MARCHF5: variants seen among roughly 807,000 people sequenced by gnomAD.
MARCHF5 encodes E3 ubiquitin-protein ligase MARCHF5.
A neutral mutation model predicts 36.5 loss-of-function variants in MARCHF5; 5 were observed. That is an observed-to-expected ratio of 0.14 (90% CI 0.07 to 0.29). The LOEUF (loss-of-function observed/expected upper bound fraction) is 0.29, where lower values mean the gene tolerates loss of function less well. Among genes scored for constraint, MARCHF5 ranks in the 10% least tolerant of loss-of-function variants. The probability of loss-of-function intolerance (pLI) is 1.00; values close to 1 mark genes in which losing one functional copy is unlikely to be tolerated. For missense variants in MARCHF5, 179 were observed against 336.3 expected, an observed-to-expected ratio of 0.53 and a Z score of 3.66; for synonymous variants, 103 against 109.9, an observed-to-expected ratio of 0.94 and a Z score of 0.39.
At chr10:92,330,886 C>A (rs1239702641) in intron 2 of MARCHF5, among the ~76,000 whole-genome samples, 1 of 152,156 alleles carries the variant, frequency 6.6e-6, no homozygotes, top group East Asian at 1.9e-4. Flanking sequence ...CAACCTAATC[C>A]TTACCCACCT....
chr10:92,306,971 A>AGTGAGGTT (rs1590648508), intron 1 of MARCHF5, among the ~76,000 whole-genome samples: 1 of 152,094 alleles, frequency 6.6e-6, no homozygotes, highest in East Asian at 1.9e-4. Context: ...TCAAGATTGC[A>AGTGAGGTT]CCACTGCACT....
Position 92,291,376 on chromosome 10 carries a change from A to G in MARCHF5, c.-119A>G. 2 of 902,938 alleles carry G rather than the reference A, an allele frequency of 2.2e-6. No homozygotes were observed. Among genetic ancestry groups the G allele is most frequent in the Non-Finnish European group, 3.5e-6 (2 of 569,328 alleles). The allele number at this position is 902,938 out of a possible 1,614,324, so 55.9% of individuals were successfully genotyped here. A position where few individuals can be genotyped will look rare whatever the true frequency, so the allele number is the denominator to read the frequency against. ...CGGAGCTGCCCCGGGAAGCTGGGTG[A>G]CGGGTTCGCGGCTGCCGCCGGACTG... On this transcript the variant is annotated 5_prime_UTR_variant, in exon 1 of 6. Transcript: ENST00000358935.
chr10:92,315,221 C>T (rs1354402370), intron 2 of MARCHF5, among the ~76,000 whole-genome samples: 1 of 152,182 alleles, frequency 6.6e-6, no homozygotes, highest in Non-Finnish European at 1.5e-5. Flanking sequence ...GTACTCTGTA[C>T]GCTAGTGGCT....
At position 92,351,201 on chromosome 10, in the gene MARCHF5, A is replaced by G; in HGVS notation, c.831A>G (p.Glu277=). The change falls in exon 6 of 6, where the codon GAA becomes GAG. Residue 277 remains glutamate (E), a synonymous_variant. Transcript: ENST00000358935. ...RKILNYPEQE[E]A ...TTCTGAATTATCCAGAACAAGAAGA[A>G]GCATAAAACTGACTTCTGGTTGTTC... is the stretch of plus-strand genomic sequence containing the variant. 1 of 1,593,264 alleles carries G rather than the reference A, an allele frequency of 6.3e-7. No individual in the cohort carries two copies. Among genetic ancestry groups the G allele is most frequent in the Non-Finnish European group, 8.6e-7 (1 of 1,162,912 alleles).
At chr10:92,342,129 C>T (rs534764080) in intron 3 of MARCHF5, among the ~76,000 whole-genome samples, 52 of 151,306 alleles carry the variant, frequency 3.4e-4, no homozygotes, top group African/African-American at 1.2e-3. Context: ...ACGTTTGACT[C>T]TTCACCCCCC....
At chr10:92,322,734 T>C (rs1369895603) in intron 2 of MARCHF5, among the ~76,000 whole-genome samples, 2 of 149,092 alleles carry the variant, frequency 1.3e-5, no homozygotes, top group Non-Finnish European at 3.0e-5. Flanking sequence ...ATCTAGCCCT[T>C]TTTTTTTTCT....
rs113262629 is a variant in MARCHF5 at position 92,307,216 on chromosome 10, C to T, written c.36-3919C>T. On this transcript the variant is annotated intron_variant, in intron 1 of 5. Transcript: ENST00000358935. ...GTGTGTGTGTGTGTGTGTGTGTGCG[C>T]GTGCATGCACGCACGTGCCCTCCCC... Among the ~76,000 whole-genome samples, 66 of 116,266 alleles carry T rather than the reference C, an allele frequency of 5.7e-4. 1 individual carries two copies. Among genetic ancestry groups the T allele is most frequent in the South Asian group, 2.2e-3 (8 of 3,634 alleles). 76.3% of individuals were successfully genotyped at this position (116,266 alleles called of 152,430 possible).
chr10:92,321,628 G>C (rs1027432971), intron 2 of MARCHF5, among the ~76,000 whole-genome samples: 6 of 152,036 alleles, frequency 3.9e-5, no homozygotes, highest in African/African-American at 1.5e-4. Context: ...GTTTGTGAAG[G>C]ATTGGTGTTT....
chr10:92,303,669 T>G (rs1456578913), intron 1 of MARCHF5, among the ~76,000 whole-genome samples: 1 of 152,174 alleles, frequency 6.6e-6, no homozygotes, highest in Non-Finnish European at 1.5e-5. Flanking sequence ...AATGTTAGAT[T>G]TAGGGCAATT....
chr10:92,328,854 T>G (rs2135202925), intron 2 of MARCHF5, among the ~76,000 whole-genome samples: 1 of 146,364 alleles, frequency 6.8e-6, no homozygotes, highest in African/African-American at 2.5e-5. Context: ...ATCTGATAGA[T>G]AGTTTGTGTG....
At chr10:92,332,391 GAAACT>G (rs1377887577) in intron 2 of MARCHF5, among the ~76,000 whole-genome samples, 8 of 152,016 alleles carry the variant, frequency 5.3e-5, no homozygotes, top group Middle Eastern at 3.4e-3. Context: ...AATCAGAGAT[GAAACT>G]TACATAAGCG....
chr10:92,307,539 A>G (rs940627120), intron 1 of MARCHF5, among the ~76,000 whole-genome samples: 3 of 152,086 alleles, frequency 2.0e-5, no homozygotes, highest in African/African-American at 7.2e-5. Context: ...TGGTCTAGGC[A>G]ACATAAGGAG....
intron 1 of MARCHF5, among the ~76,000 whole-genome samples, chr10:92,308,952 G>A (rs749741677): frequency 1.3e-5 from 2 of 151,922 alleles, no homozygotes; most frequent in Admixed American, 6.6e-5. Context: ...TGATCCGCCC[G>A]CTTCAGCCTC....
Position 92,295,403 on chromosome 10 carries a change from A to AT in MARCHF5, c.35+3877dup, listed in dbSNP as rs1218569309. Among the ~76,000 whole-genome samples the AT allele has an allele frequency of 6.2e-3, 422 of 67,580 alleles. 8 individuals carry two copies. Among genetic ancestry groups the AT allele is most frequent in the South Asian group, 9.4e-3 (19 of 2,024 alleles). 44.3% of individuals were successfully genotyped at this position (67,580 alleles called of 152,430 possible). ...GACAACTTCTTTTATTTATTTATTTATTTATTTTTTATTTTTTTTTTTGAG... is the reference window on the plus strand; with the variant it reads ...GACAACTTCTTTTATTTATTTATTTATTTTATTTTTTATTTTTTTTTTTGAG... On this transcript the variant is annotated intron_variant, in intron 1 of 5. Coordinates refer to ENST00000358935, the MANE Select transcript of MARCHF5 (RefSeq NM_017824.5).
chr10:92,341,779 C>CCT, intron 3 of MARCHF5, among the ~76,000 whole-genome samples: 1 of 135,738 alleles, frequency 7.4e-6, no homozygotes, highest in African/African-American at 2.7e-5. Flanking sequence ...TAGTTTACAT[C>CCT]CTTTTTTTTT....
At chr10:92,297,227 C>T (rs1842957389) in intron 1 of MARCHF5, among the ~76,000 whole-genome samples, 1 of 147,494 alleles carries the variant, frequency 6.8e-6, no homozygotes, top group Non-Finnish European at 1.5e-5. Flanking sequence ...AGTGGAGGGT[C>T]ACAGTCACGG....
chr10:92,324,656 G>A (rs1482324062), intron 2 of MARCHF5, among the ~76,000 whole-genome samples: 1 of 152,148 alleles, frequency 6.6e-6, no homozygotes, highest in Non-Finnish European at 1.5e-5. Flanking sequence ...TTTCCTCTAA[G>A]CACTGCTTTA....
intron 3 of MARCHF5, among the ~76,000 whole-genome samples, chr10:92,342,133 A>C: frequency 7.5e-6 from 1 of 133,544 alleles, no homozygotes; most frequent in Non-Finnish European, 1.6e-5. Flanking sequence ...TTGACTCTTC[A>C]CCCCCCTCAA....
At chr10:92,295,407 A>ATTTAT (rs1842937843) in intron 1 of MARCHF5, among the ~76,000 whole-genome samples, 1 of 77,884 alleles carries the variant, frequency 1.3e-5, no homozygotes, top group Non-Finnish European at 2.6e-5. Context: ...TTATTTATTT[A>ATTTAT]TTTTTTATTT....
Sources: allele counts gnomAD v4.1 joint callset (sites outside exome capture counted in the v4.1 genomes callset), GRCh38; gene constraint gnomAD v4.1.1; transcripts MANE v1.5; gene names NCBI Gene and HGNC (gene_info 2026-07-23, HGNC 2026-07-21).